Variants in TRIM54 observed in about 807,000 individuals in gnomAD.
The protein encoded by TRIM54 is tripartite motif-containing protein 54.
A neutral mutation model predicts 42.0 loss-of-function variants in TRIM54; 40 were observed. The observed-to-expected ratio is 0.95, with a 90% CI of 0.74 to 1.24. TRIM54 has a LOEUF of 1.24. Ranked by LOEUF, TRIM54 falls within the 50% of genes most tolerant of loss-of-function variation. The pLI is 0.00. For missense variants in TRIM54, 485 were observed against 480.3 expected, an observed-to-expected ratio of 1.01 and a Z score of -0.09; for synonymous variants, 199 against 194.9, an observed-to-expected ratio of 1.02 and a Z score of -0.17.
chr2:27,298,216 C>A (rs1192867630), intron 1 of TRIM54, among the ~76,000 whole-genome samples: 2 of 152,136 alleles, frequency 1.3e-5, no homozygotes, highest in Non-Finnish European at 2.9e-5. Flanking sequence ...TCGCACCACT[C>A]AGAGTTCATT....
intron 4 of TRIM54, 77 bp downstream of exon 4, chr2:27,305,131 T>G (rs1409866843): frequency 7.8e-7 from 1 of 1,279,172 alleles, no homozygotes; most frequent in Non-Finnish European, 1.1e-6. Context: ...GAACTGCTCC[T>G]CTCTGACCTC....
Position 27,305,591 on chromosome 2 carries a change from G to C in TRIM54, c.617G>C (p.Ser206Thr), listed in dbSNP as rs1679172452. The change falls in exon 5 of 9, where the codon AGC becomes ACC. Residue 206 changes from serine to threonine, a missense_variant. By Grantham distance (58) the Ser-to-Thr change is moderately conservative. Coordinates refer to ENST00000380075, the MANE Select transcript of TRIM54 (RefSeq NM_187841.3). The part of the protein sequence containing the change: ...EEVCQTIEDN[S>T]RRQKQLLNQR... ...TTGCTCCCCATCTTTTAGGACAATA[G>C]CCGGAGGCAGAAGCAGTTGTTAAAC... 1 of 1,612,702 alleles carries C rather than the reference G, an allele frequency of 6.2e-7. No individual in the cohort carries two copies. The highest frequency in any genetic ancestry group is 1.3e-5 in the African/African-American group (1 of 74,914).
intron 1 of TRIM54, among the ~76,000 whole-genome samples, chr2:27,288,928 G>C (rs1678646997): frequency 6.6e-6 from 1 of 152,208 alleles, no homozygotes; most frequent in Non-Finnish European, 1.5e-5. Flanking sequence ...GGACATTTAT[G>C]TGTATAATAG....
intron 3 of TRIM54, among the ~76,000 whole-genome samples, chr2:27,301,200 C>G (rs907846422): frequency 6.9e-6 from 1 of 145,510 alleles, no homozygotes; most frequent in East Asian, 2.0e-4. Context: ...AATGCAATGG[C>G]GCGATCTCAG....
chr2:27,300,042 G>A (rs992191625), intron 3 of TRIM54, among the ~76,000 whole-genome samples: 1 of 151,360 alleles, frequency 6.6e-6, no homozygotes, highest in Non-Finnish European at 1.5e-5. Flanking sequence ...GTATGATTGT[G>A]ATTCACTGCA....
chr2:27,298,453 A>G, intron 1 of TRIM54, 114 bp from the exon 2 acceptor site: 2 of 744,274 alleles, frequency 2.7e-6, no homozygotes, highest in East Asian at 2.6e-5. Flanking sequence ...AAGAGCTGAC[A>G]TCTTCCCCTC....
intron 3 of TRIM54, chr2:27,304,566 C>CA (rs1442619038): frequency 1.2e-5 from 2 of 167,224 alleles, no homozygotes; most frequent in African/African-American, 4.8e-5. Flanking sequence ...GAAGGTCTAA[C>CA]AGGTCTAATC....
intron 1 of TRIM54, among the ~76,000 whole-genome samples, chr2:27,286,107 G>A (rs1678549979): frequency 6.6e-6 from 1 of 151,598 alleles, no homozygotes; most frequent in African/African-American, 2.4e-5. Context: ...TAAGGGGTTG[G>A]GAGGAAATCA....
In TRIM54 at chr2:27,305,764, G is replaced by A. The variant is rs376143615; in HGVS notation, c.790G>A (p.Val264Met). ...GDHLEASSKL[V>M]ESAIQSMEEP... ...CCACCTGGAGGCCTCCTCTAAGCTG[G>A]TGGAGTCTGCCATCCAGTCCATGGA... Residue 264 changes from valine (V) to methionine (M), a missense_variant, in exon 5 of 9, where the codon GTG (valine) becomes ATG (methionine). Physicochemically the swap from Val to Met is conservative, Grantham distance 21. Coordinates refer to ENST00000380075, the MANE Select transcript of TRIM54 (RefSeq NM_187841.3). 4 of 1,611,402 alleles carry A rather than the reference G, an allele frequency of 2.5e-6. No homozygotes were observed. Among genetic ancestry groups the A allele is most frequent in the Non-Finnish European group, 1.7e-6 (2 of 1,178,928 alleles).
rs764981512 is a variant in TRIM54, at chr2:27,305,102, G to T, written c.609+48G>T. On this transcript the variant is annotated intron_variant, in intron 4 of 8. Coordinates refer to ENST00000380075, the MANE Select transcript of TRIM54 (RefSeq NM_187841.3). ...GAGGAACAGCAACTGGCTAGCCTGC[G>T]GACCCCGGGCTCCCAAGAGAACTGC... 2.0e-6 allele frequency: 3 copies of T among 1,526,340 alleles called. No individual in the cohort carries two copies. The African/African-American group carries it at 4.1e-5, about 21-fold the overall frequency. The allele number at this position is 1,526,340 out of a possible 1,614,324, so 94.5% of individuals were successfully genotyped here.
chr2:27,303,589 G>A (rs1360125762), intron 3 of TRIM54, among the ~76,000 whole-genome samples: 1 of 151,624 alleles, frequency 6.6e-6, no homozygotes, highest in Non-Finnish European at 1.5e-5. Context: ...GGTTAAACTA[G>A]GATCCTAGGA....
intron 3 of TRIM54, among the ~76,000 whole-genome samples, chr2:27,302,892 C>G (rs1409487575): frequency 6.6e-6 from 1 of 152,140 alleles, no homozygotes; most frequent in East Asian, 1.9e-4. Context: ...GTGGCCCTCA[C>G]TTTCCTCATG....
At chr2:27,304,426 A>T (rs1290097682) in intron 3 of TRIM54, among the ~76,000 whole-genome samples, 2 of 132,458 alleles carry the variant, frequency 1.5e-5, no homozygotes, top group Non-Finnish European at 1.6e-5. Context: ...CTCAAAAAAA[A>T]TTTAAAAAAA....
At chr2:27,292,311 C>A (rs564826267) in intron 1 of TRIM54, among the ~76,000 whole-genome samples, 29 of 152,162 alleles carry the variant, frequency 1.9e-4, no homozygotes, top group Non-Finnish European at 4.1e-4. Flanking sequence ...GGTCTCACCC[C>A]TGAAATTCCA....
rs1375351435 is a variant in TRIM54, at chr2:27,292,512, CAGAG to C, written c.169-6047_169-6044del. On this transcript the variant is annotated intron_variant, in intron 1 of 8. Coordinates refer to ENST00000380075, the MANE Select transcript of TRIM54 (RefSeq NM_187841.3). ...CCTCGATCCCAGGAAGTTGAGACGACAGAGAGAGAGATCTTGTCTCAAAAAATTT... is the reference window on the plus strand; with the variant it reads ...CCTCGATCCCAGGAAGTTGAGACGACAGAGAGATCTTGTCTCAAAAAATTT... Among the ~76,000 whole-genome samples the C allele has an allele frequency of 4.6e-5, 7 of 152,198 alleles. No homozygotes were observed. The East Asian group carries it at 7.7e-4, about 17-fold the overall frequency.
At chr2:27,294,091 G>T (rs140742544) in intron 1 of TRIM54, among the ~76,000 whole-genome samples, 1 of 152,038 alleles carries the variant, frequency 6.6e-6, no homozygotes, top group East Asian at 1.9e-4. Context: ...GAGACTCAGA[G>T]AAATGAATAT....
chr2:27,286,165 ATT>A (rs57911234), intron 1 of TRIM54, among the ~76,000 whole-genome samples: 3 of 144,120 alleles, frequency 2.1e-5, no homozygotes, highest in African/African-American at 5.1e-5. Flanking sequence ...TTTGCATATT[ATT>A]TTTTTTTTTT....
intron 3 of TRIM54, among the ~76,000 whole-genome samples, chr2:27,301,243 G>A (rs899235253): frequency 4.0e-5 from 6 of 150,440 alleles, no homozygotes; most frequent in Admixed American, 6.7e-5. Flanking sequence ...AGATTCAAGC[G>A]ATTCTCCTGC....
In TRIM54 at chr2:27,282,513, A is replaced by C; in HGVS notation, c.-219A>C. Reference sequence around the variant, plus strand: ...TTACAGAGAGAGAGGGATAGCTAAAACTACGTGAGCCTGGCGAGGGTGCAG... The same window carrying C: ...TTACAGAGAGAGAGGGATAGCTAAACCTACGTGAGCCTGGCGAGGGTGCAG... On this transcript the variant is annotated 5_prime_UTR_variant, in exon 1 of 9. Coordinates refer to ENST00000380075, the MANE Select transcript of TRIM54 (RefSeq NM_187841.3). The C allele has an allele frequency of 2.5e-6, 1 of 406,156 alleles. No individual in the cohort carries two copies. The highest frequency in any genetic ancestry group is 4.3e-6 in the Non-Finnish European group (1 of 230,314). 25.2% of individuals were successfully genotyped at this position (406,156 alleles called of 1,614,324 possible). A position where few individuals can be genotyped will look rare whatever the true frequency, so the allele number is the denominator to read the frequency against.
Sources: gnomAD v4.1 joint callset for allele counts (sites outside exome capture counted in the v4.1 genomes callset) on GRCh38, gnomAD v4.1.1 for gene constraint, MANE v1.5 for transcripts, NCBI Gene and HGNC (gene_info 2026-07-23, HGNC 2026-07-21) for gene names.